SBNO1: variants seen among roughly 807,000 people sequenced by gnomAD.
SBNO1 encodes protein strawberry notch homolog 1.
A neutral mutation model predicts 173.6 loss-of-function variants in SBNO1; 23 were observed. The ratio of observed to expected loss-of-function variants is 0.13; its 90% confidence interval spans 0.10 to 0.19. SBNO1 has a LOEUF of 0.19. Ranked by LOEUF, SBNO1 falls within the 10% of genes least tolerant of loss-of-function variation. SBNO1 has a pLI of 1.00. For missense variants in SBNO1, 1,238 were observed against 1,671.2 expected (o/e 0.74, Z 4.52); for synonymous variants, 632 against 571.5 (o/e 1.11, Z -1.51).
chr12:123,361,729 T>TTA (rs1555253267), intron 1 of SBNO1, among the ~76,000 whole-genome samples: 4 of 133,764 alleles, frequency 3.0e-5, no homozygotes, highest in Non-Finnish European at 6.3e-5. Flanking sequence ...CAAGACAGTC[T>TTA]AAAAAAAAAA....
chr12:123,364,470 C>T (rs1436472854), intron 1 of SBNO1: 15 of 983,828 alleles, frequency 1.5e-5, no homozygotes, highest in African/African-American at 1.7e-5. Flanking sequence ...CAGCGGGGCC[C>T]GGCGCTGACG....
At chr12:123,328,180 T>C (rs2138992887) in intron 10 of SBNO1, among the ~76,000 whole-genome samples, 153 bp from the exon 11 acceptor site, 1 of 152,356 alleles carries the variant, frequency 6.6e-6, no homozygotes, top group Admixed American at 6.5e-5. Flanking sequence ...TTTCCCCAGT[T>C]ACATCCTCCT....
At chr12:123,336,625 T>C (rs1476410820) in intron 5 of SBNO1, 134 bp from the exon 6 acceptor site, 2 of 609,752 alleles carry the variant, frequency 3.3e-6, no homozygotes, top group Admixed American at 6.7e-5. Context: ...CAATACTCCC[T>C]AAAATCTGGG....
chr12:123,321,398 G>T (rs968677541), intron 17 of SBNO1, 137 bp downstream of exon 17: 1 of 675,696 alleles, frequency 1.5e-6, no homozygotes, highest in Non-Finnish European at 2.5e-6. Flanking sequence ...AGGTAGATAA[G>T]CCTGGAGCTT....
At chr12:123,304,748 G>A in intron 28 of SBNO1, 29 bp from the exon 29 acceptor site, 2 of 1,351,976 alleles carry the variant, frequency 1.5e-6, no homozygotes, top group Non-Finnish European at 2.1e-6. Flanking sequence ...AAAATATAAA[G>A]ATTTTATAAT....
intron 23 of SBNO1, among the ~76,000 whole-genome samples, chr12:123,314,983 T>C (rs1869106758): frequency 6.6e-6 from 1 of 151,584 alleles, no homozygotes; most frequent in Non-Finnish European, 1.5e-5. Context: ...CCTCAAGTGA[T>C]CCACCTGCCT....
intron 8 of SBNO1, 148 bp from the exon 9 acceptor site, chr12:123,330,657 T>TGG: frequency 1.7e-6 from 1 of 588,230 alleles, no homozygotes; most frequent in South Asian, 2.2e-5. Flanking sequence ...ACCATCCCAC[T>TGG]GAGTGCAGTG....
At chr12:123,334,003 A>T in intron 7 of SBNO1, 50 bp downstream of exon 7, 1 of 1,241,162 alleles carries the variant, frequency 8.1e-7, no homozygotes, top group Non-Finnish European at 1.1e-6. Context: ...CAACTCTGTT[A>T]TATAGAATAG....
intron 29 of SBNO1, among the ~76,000 whole-genome samples, chr12:123,303,412 G>T (rs558122154): frequency 6.6e-6 from 1 of 152,290 alleles, no homozygotes; most frequent in South Asian, 2.1e-4. Flanking sequence ...TTGGGAGGCT[G>T]AGGCGGGTGG....
chr12:123,324,324 C>CTT lies in SBNO1; in HGVS notation c.1974-495_1974-494dup, dbSNP rs61618485. On this transcript the variant is annotated intron_variant, in intron 15 of 31. Coordinates refer to ENST00000602398, the MANE Select transcript of SBNO1 (RefSeq NM_001167856.3). ...TAGCAGGTGTATGTCTTGCTTTTTTCTTTTTTTTTTTTTTTTTGAGACCGA... is the reference window on the plus strand; with the variant it reads ...TAGCAGGTGTATGTCTTGCTTTTTTCTTTTTTTTTTTTTTTTTTTGAGACCGA... Among the ~76,000 whole-genome samples the CTT allele has an allele frequency of 2.6e-5, 3 of 117,580 alleles. No homozygotes were observed. In the East Asian group the frequency reaches 6.8e-4, roughly 27 times the overall value. 77.1% of individuals were successfully genotyped at this position (117,580 alleles called of 152,430 possible). A position where few individuals can be genotyped will look rare whatever the true frequency, so the allele number is the denominator to read the frequency against.
rs1871546266 is a variant in SBNO1 at position 123,334,063 on chromosome 12, T to C, written c.899A>G (p.Tyr300Cys). The C allele has an allele frequency of 6.3e-7, 1 of 1,583,454 alleles. No individual in the cohort carries two copies. Among genetic ancestry groups the C allele is most frequent in the Non-Finnish European group, 8.6e-7 (1 of 1,166,658 alleles). The change falls in exon 7 of 32, where the codon TAT becomes TGT. Residue 300 changes from tyrosine (Y) to cysteine (C), a missense_variant. By Grantham distance (194) the Tyr-to-Cys change is radical. Transcript: ENST00000602398. ...LSALQLEAIT[Y>C]AAQQHETFLP... Reference sequence around the variant, plus strand: ...AATATTATTGCTTACCTGGGCTGCATATGTAATTGCCTCAAGCTGCAATGC... The same window carrying C: ...AATATTATTGCTTACCTGGGCTGCACATGTAATTGCCTCAAGCTGCAATGC...
intron 1 of SBNO1, among the ~76,000 whole-genome samples, chr12:123,352,725 A>C (rs1394847658): frequency 6.6e-6 from 1 of 152,246 alleles, no homozygotes; most frequent in Non-Finnish European, 1.5e-5. Flanking sequence ...GAGTGAGTCT[A>C]AGGTGAAAAC....
chr12:123,321,841 G>C, intron 16 of SBNO1, 109 bp from the exon 17 acceptor site: 1 of 900,256 alleles, frequency 1.1e-6, no homozygotes, highest in Non-Finnish European at 1.7e-6. Context: ...CAGAGGAAAA[G>C]TATTTAGGTT....
intron 5 of SBNO1, among the ~76,000 whole-genome samples, chr12:123,340,020 G>A (rs1344861664): frequency 2.0e-5 from 3 of 151,988 alleles, no homozygotes; most frequent in Non-Finnish European, 4.4e-5. Flanking sequence ...AAGTCCACCA[G>A]GCCACTAGAG....
At chr12:123,298,659 G>A (rs1038823942) in intron 30 of SBNO1, among the ~76,000 whole-genome samples, 14 of 152,158 alleles carry the variant, frequency 9.2e-5, no homozygotes, top group African/African-American at 3.4e-4. Context: ...AAGGTATCAG[G>A]CTGATTTTTA....
At chr12:123,309,096 G>A (rs2048993228) in intron 28 of SBNO1, among the ~76,000 whole-genome samples, 1 of 150,998 alleles carries the variant, frequency 6.6e-6, no homozygotes, top group Non-Finnish European at 1.5e-5. Flanking sequence ...AGAAGAAAAT[G>A]TAACAATTCT....
At chr12:123,330,890 A>AC (rs1218688847) in intron 8 of SBNO1, among the ~76,000 whole-genome samples, 1 of 152,056 alleles carries the variant, frequency 6.6e-6, no homozygotes, top group Non-Finnish European at 1.5e-5. Context: ...ATGCCACAGC[A>AC]CTCCAGCCTG....
chr12:123,346,112 C>A (rs868726620), intron 3 of SBNO1, among the ~76,000 whole-genome samples: 4 of 152,206 alleles, frequency 2.6e-5, no homozygotes, highest in Non-Finnish European at 4.4e-5. Context: ...CTATCCCACA[C>A]AAACCGAAAA....
chr12:123,349,914 G>GA lies in SBNO1; in HGVS notation c.132+395dup, dbSNP rs879915885. The stretch of plus-strand genomic sequence containing the variant: ...GGTGACAGAGCAAGACTCCGTCTCA[G>GA]AAAAAAAAAAAAATTAACACATGTA... On this transcript the variant is annotated intron_variant, in intron 2 of 31. Coordinates refer to ENST00000602398, the MANE Select transcript of SBNO1 (RefSeq NM_001167856.3). 4.2e-3 allele frequency among the ~76,000 whole-genome samples: 597 copies of GA among 141,152 alleles called. 2 individuals carry two copies. The highest frequency in any genetic ancestry group is 0.013 in the African/African-American group (487 of 38,554). The allele number at this position is 141,152 out of a possible 152,430, so 92.6% of individuals were successfully genotyped here.
Sources: allele counts gnomAD v4.1 joint callset (sites outside exome capture counted in the v4.1 genomes callset), GRCh38; gene constraint gnomAD v4.1.1; transcripts MANE v1.5; gene names NCBI Gene and HGNC (gene_info 2026-07-23, HGNC 2026-07-21).